Variants in NEXMIF observed in about 807,000 individuals in gnomAD.
NEXMIF encodes XLMR protein related to neurite extension.
Under a neutral mutation model 62.1 loss-of-function variants are expected in NEXMIF, and 8 were observed. That is an observed-to-expected ratio of 0.13 (90% CI 0.08 to 0.23). The LOEUF (loss-of-function observed/expected upper bound fraction) is 0.23, where lower values mean the gene tolerates loss of function less well. Ranked by LOEUF, NEXMIF falls within the 10% of genes least tolerant of loss-of-function variation. NEXMIF has a pLI of 1.00. For synonymous variants in NEXMIF, 404 were observed against 416.6 expected (o/e 0.97, Z 0.37); for missense variants, 976 against 1,113.3 (o/e 0.88, Z 1.75).
At chrX:74,770,027 C>G (rs1190577150) in intron 1 of NEXMIF, among the ~76,000 whole-genome samples, 1 of 111,309 alleles carries the variant, frequency 9.0e-6, no homozygotes, top group Non-Finnish European at 1.9e-5. Flanking sequence ...AATATTCACT[C>G]TTGTACCACT....
intron 1 of NEXMIF, among the ~76,000 whole-genome samples, chrX:74,790,465 T>C (rs1375903267): frequency 8.1e-5 from 9 of 111,454 alleles, no homozygotes; most frequent in African/African-American, 2.6e-4. Context: ...GCGGGCTCTT[T>C]TTTGGTTCCA....
At chrX:74,851,743 C>A (rs1409734363) in intron 1 of NEXMIF, among the ~76,000 whole-genome samples, 1 of 111,762 alleles carries the variant, frequency 8.9e-6, no homozygotes, top group Non-Finnish European at 1.9e-5. Context: ...TAGTCCTACA[C>A]CTGGAAGCAA....
intron 1 of NEXMIF, among the ~76,000 whole-genome samples, chrX:74,842,112 AT>A (rs2080475921): frequency 1.8e-5 from 2 of 110,790 alleles, no homozygotes; most frequent in African/African-American, 3.3e-5. Context: ...AGGTTCTGGG[AT>A]TTTTTTGGTT....
chrX:74,884,408 G>A (rs896249296), intron 1 of NEXMIF, among the ~76,000 whole-genome samples: 27 of 110,974 alleles, frequency 2.4e-4, no homozygotes, highest in Admixed American at 3.8e-4. Context: ...CCCATCTCAC[G>A]TGCAGAGACA....
intron 1 of NEXMIF, chrX:74,769,653 C>T (rs781696291): frequency 1.7e-5 from 12 of 690,974 alleles, no homozygotes; most frequent in South Asian, 1.1e-4. Context: ...CTTTGTAAGA[C>T]GAACTCTGTG....
At chrX:74,872,787 A>G (rs1165965121) in intron 1 of NEXMIF, among the ~76,000 whole-genome samples, 2 of 110,142 alleles carry the variant, frequency 1.8e-5, no homozygotes, top group Non-Finnish European at 3.8e-5. Flanking sequence ...CATGTAACCC[A>G]TAAACATATA....
chrX:74,879,405 T>C (rs368190330), intron 1 of NEXMIF, among the ~76,000 whole-genome samples: 34 of 112,495 alleles, frequency 3.0e-4, no homozygotes, highest in Non-Finnish European at 1.1e-4. Context: ...TCATCTATGA[T>C]GAATTCATCT....
chrX:74,852,101 G>C (rs1163447817), intron 1 of NEXMIF, among the ~76,000 whole-genome samples: 6 of 110,688 alleles, frequency 5.4e-5, no homozygotes, highest in Non-Finnish European at 1.1e-4. Context: ...CATATAGATT[G>C]AAAGTAAAGG....
chrX:74,880,849 C>T (rs2080659943), intron 1 of NEXMIF, among the ~76,000 whole-genome samples: 2 of 112,015 alleles, frequency 1.8e-5, no homozygotes, highest in Admixed American at 1.9e-4. Context: ...CTGCTCTCTC[C>T]TTAGATCCCT....
chrX:74,801,805 C>G (rs1017648200), intron 1 of NEXMIF, among the ~76,000 whole-genome samples: 5 of 112,308 alleles, frequency 4.5e-5, no homozygotes, highest in Non-Finnish European at 9.4e-5. Context: ...ATTTCTGGAC[C>G]TGCACTGGGC....
intron 1 of NEXMIF, among the ~76,000 whole-genome samples, chrX:74,771,119 T>C (rs768359135): frequency 1.8e-5 from 2 of 112,168 alleles, no homozygotes; most frequent in Admixed American, 1.9e-4. Context: ...ATATTTATAA[T>C]CAATATGTCT....
At chrX:74,753,123 C>T (rs1017270985) in intron 1 of NEXMIF, among the ~76,000 whole-genome samples, 3 of 112,286 alleles carry the variant, frequency 2.7e-5, no homozygotes, top group Non-Finnish European at 3.8e-5. Flanking sequence ...AATGCTTGAG[C>T]GCAATAACTT....
intron 1 of NEXMIF, among the ~76,000 whole-genome samples, chrX:74,860,238 G>C (rs2080552278): frequency 9.0e-6 from 1 of 111,584 alleles, no homozygotes. Flanking sequence ...CTCAATACTG[G>C]AGCACCCAGA....
At chrX:74,878,994 C>T (rs986700770) in intron 1 of NEXMIF, among the ~76,000 whole-genome samples, 3 of 112,416 alleles carry the variant, frequency 2.7e-5, no homozygotes, top group African/African-American at 9.7e-5. Flanking sequence ...TGTTCCTATT[C>T]GGCCATCTTG....
At chrX:74,781,077 C>T (rs1242433112) in intron 1 of NEXMIF, among the ~76,000 whole-genome samples, 1 of 112,328 alleles carries the variant, frequency 8.9e-6, no homozygotes, top group Non-Finnish European at 1.9e-5. Flanking sequence ...TATGGTCCTT[C>T]CATTATTCCA....
intron 1 of NEXMIF, among the ~76,000 whole-genome samples, chrX:74,899,862 T>C (rs998214890): frequency 4.5e-5 from 5 of 111,899 alleles, no homozygotes; most frequent in African/African-American, 6.5e-5. Context: ...CTTCTGTGCA[T>C]TGAACAACAT....
intron 1 of NEXMIF, among the ~76,000 whole-genome samples, chrX:74,878,741 G>T (rs916397059): frequency 8.9e-6 from 1 of 112,392 alleles, no homozygotes; most frequent in African/African-American, 3.2e-5. Context: ...GGGTGGGAGT[G>T]ACCCGATTTT....
intron 1 of NEXMIF, among the ~76,000 whole-genome samples, chrX:74,797,483 A>C (rs771298055): frequency 1.8e-5 from 2 of 112,216 alleles, no homozygotes; most frequent in African/African-American, 6.5e-5. Flanking sequence ...CATCTCAAAT[A>C]AAGTTTAAAA....
Position 74,740,966 on chromosome X carries a change from C to A in NEXMIF, c.3591G>T (p.Arg1197Ser). The A allele has an allele frequency of 8.3e-7, 1 of 1,211,581 alleles. No homozygotes were observed. Among genetic ancestry groups the A allele is most frequent in the Non-Finnish European group, 1.1e-6 (1 of 895,477 alleles). The change falls in exon 3 of 4, where the codon AGG becomes AGT. Residue 1197 changes from arginine (R) to serine (S), a missense_variant. By Grantham distance (110) the Arg-to-Ser change is moderately radical. Coordinates refer to ENST00000055682, the MANE Select transcript of NEXMIF (RefSeq NM_001008537.3). ...MNQSSSQKNT[R>S]KKSLKGNNKG... ...TGTTGTTACCTTTGAGGGATTTTTT[C>A]CTGGTGTTTTTCTGAGAAGAGCTTT...
Sources: allele counts gnomAD v4.1 joint callset (sites outside exome capture counted in the v4.1 genomes callset), GRCh38; gene constraint gnomAD v4.1.1; transcripts MANE v1.5; gene names NCBI Gene and HGNC (gene_info 2026-07-23, HGNC 2026-07-21).